The following USH2A variants were observed in gnomAD, a reference collection of about 807,000 sequenced individuals.
USH2A encodes usherin, also known as Usher syndrome 2A (autosomal recessive, mild).
USH2A carries 443 observed loss-of-function variants against 538.9 expected under a neutral mutation model. The observed-to-expected ratio is 0.82, with a 90% confidence interval of 0.76 to 0.89. USH2A has a LOEUF of 0.89. USH2A is among the 40% of genes least tolerant of loss of function. The probability of loss-of-function intolerance (pLI) is 0.00; values close to 1 mark genes in which losing one functional copy is unlikely to be tolerated. For missense variants in USH2A, 6,633 were observed against 6,324.8 expected (o/e 1.05, Z -1.65); for synonymous variants, 2,413 against 2,273.5 (o/e 1.06, Z -1.75).
chr1:216,314,192 T>C (rs2037469190), intron 9 of USH2A, among the ~76,000 whole-genome samples: 2 of 152,170 alleles, frequency 1.3e-5, no homozygotes, highest in African/African-American at 4.8e-5. Context: ...AAGGCTGTCT[T>C]AATTTATCTC....
At chr1:216,257,686 CAA>C (rs2036285041) in intron 11 of USH2A, among the ~76,000 whole-genome samples, 1 of 151,924 alleles carries the variant, frequency 6.6e-6, no homozygotes, top group Non-Finnish European at 1.5e-5. Context: ...ACACATATAC[CAA>C]GCCTCTAAAA....
chr1:216,167,950 T>C (rs1321992566), intron 21 of USH2A, among the ~76,000 whole-genome samples: 1 of 152,150 alleles, frequency 6.6e-6, no homozygotes, highest in South Asian at 2.1e-4. Context: ...GATGGCATTT[T>C]GACAATGATG....
chr1:216,318,127 T>C (rs543174689), intron 9 of USH2A, among the ~76,000 whole-genome samples: 14 of 152,226 alleles, frequency 9.2e-5, no homozygotes, highest in South Asian at 4.1e-4. Context: ...GGAAAGACAA[T>C]TGCCAAGAAT....
intron 3 of USH2A, among the ~76,000 whole-genome samples, chr1:216,397,329 G>A (rs74538184): frequency 0.01 from 1,533 of 152,280 alleles, 28 homozygotes; most frequent in African/African-American, 0.035. Flanking sequence ...TTTTTAAATT[G>A]TGAATAGGCC....
chr1:216,005,400 T>C (rs1017060128), intron 32 of USH2A, among the ~76,000 whole-genome samples: 1 of 152,202 alleles, frequency 6.6e-6, no homozygotes. Context: ...ATCTTGATAT[T>C]ATATCCTTCC....
intron 13 of USH2A, among the ~76,000 whole-genome samples, chr1:216,245,627 T>C (rs1483026642): frequency 6.6e-6 from 1 of 152,166 alleles, no homozygotes; most frequent in Non-Finnish European, 1.5e-5. Context: ...TCTCCATTTA[T>C]GTTTAAACCA....
chr1:216,221,348 T>C (rs549500560), intron 14 of USH2A, among the ~76,000 whole-genome samples: 16 of 152,272 alleles, frequency 1.1e-4, no homozygotes, highest in African/African-American at 3.4e-4. Flanking sequence ...CAGTGCCCTC[T>C]AGAGGAGTTT....
intron 3 of USH2A, among the ~76,000 whole-genome samples, chr1:216,370,632 C>A (rs1288559354): frequency 9.3e-5 from 12 of 129,040 alleles, no homozygotes; most frequent in Admixed American, 8.3e-4. Context: ...GAGCCGAGAT[C>A]GCGCCACTGC....
At chr1:216,057,612 G>A (rs982337855) in intron 30 of USH2A, among the ~76,000 whole-genome samples, 9 of 152,058 alleles carry the variant, frequency 5.9e-5, no homozygotes, top group African/African-American at 1.7e-4. Flanking sequence ...GCTTGAACCC[G>A]GGCGGCGCAG....
intron 47 of USH2A, 126 bp downstream of exon 47, chr1:215,837,865 G>C (rs754126941): frequency 5.0e-6 from 4 of 794,274 alleles, no homozygotes; most frequent in Non-Finnish European, 8.8e-6. Flanking sequence ...TCAAAAATTT[G>C]ATTTACACAC....
intron 35 of USH2A, among the ~76,000 whole-genome samples, chr1:215,977,357 G>C (rs1371553108): frequency 6.6e-6 from 1 of 152,054 alleles, no homozygotes; most frequent in Admixed American, 6.6e-5. Flanking sequence ...CTACATCCCA[G>C]AGATTTTGGT....
intron 11 of USH2A, among the ~76,000 whole-genome samples, chr1:216,256,307 G>T (rs2036257329): frequency 7.2e-6 from 1 of 139,824 alleles, no homozygotes; most frequent in Non-Finnish European, 1.5e-5. Flanking sequence ...CATCTGCTTG[G>T]GATTTCTTTT....
intron 3 of USH2A, among the ~76,000 whole-genome samples, chr1:216,390,490 T>C (rs1195397371): frequency 6.6e-6 from 1 of 152,178 alleles, no homozygotes; most frequent in Non-Finnish European, 1.5e-5. Context: ...AATCTAAATA[T>C]TCAAAAATGG....
chr1:216,364,617 A>G (rs2038558778), intron 4 of USH2A, among the ~76,000 whole-genome samples: 1 of 152,180 alleles, frequency 6.6e-6, no homozygotes, highest in Non-Finnish European at 1.5e-5. Context: ...AGAAGGCCAC[A>G]TGAAGACTGA....
At chr1:216,012,521 A>G (rs928125747) in intron 32 of USH2A, among the ~76,000 whole-genome samples, 8 of 152,136 alleles carry the variant, frequency 5.3e-5, no homozygotes, top group Admixed American at 4.6e-4. Flanking sequence ...TCTGTCAGAC[A>G]TAATTCCTCA....
chr1:216,361,099 A>G (rs995546551), intron 4 of USH2A, among the ~76,000 whole-genome samples: 2 of 152,134 alleles, frequency 1.3e-5, no homozygotes, highest in Non-Finnish European at 2.9e-5. Context: ...AAAGAAACCC[A>G]TCTTCACATA....
At chr1:215,699,337 T>G (rs1395320019) in intron 61 of USH2A, among the ~76,000 whole-genome samples, 7 of 152,196 alleles carry the variant, frequency 4.6e-5, no homozygotes, top group Admixed American at 3.3e-4. Flanking sequence ...TTAAAGTAAT[T>G]TTTACTAATT....
Position 216,048,508 on chromosome 1 carries a change from A to C in USH2A, c.6163+26T>G, listed in dbSNP as rs761633029. 7 of 1,596,634 alleles carry C rather than the reference A, an allele frequency of 4.4e-6. No homozygotes were observed. The South Asian group carries it at 7.7e-5, about 18-fold the overall frequency. ...TTATTATTCATGACTGAAATGTGGA[A>C]GTCAAGACCTTTGAAATTACTTTAC... On this transcript the variant is annotated intron_variant, in intron 31 of 71. Coordinates refer to ENST00000307340, the MANE Select transcript of USH2A (RefSeq NM_206933.4).
chr1:216,117,674 C>G (rs137889127), intron 21 of USH2A, among the ~76,000 whole-genome samples: 1 of 152,114 alleles, frequency 6.6e-6, no homozygotes, highest in East Asian at 1.9e-4. Context: ...TTAGCTAATA[C>G]AACTATATCT....
Sources: gnomAD v4.1 joint callset for allele counts (sites outside exome capture counted in the v4.1 genomes callset) on GRCh38, gnomAD v4.1.1 for gene constraint, MANE v1.5 for transcripts, NCBI Gene and HGNC (gene_info 2026-07-23, HGNC 2026-07-21) for gene names.